DENND2A: variants seen among roughly 807,000 people sequenced by gnomAD.
DENND2A encodes the protein DENN domain containing 2A, also known as DENN domain-containing protein 2A.
A neutral mutation model predicts 105.3 loss-of-function variants in DENND2A; 53 were observed. The ratio of observed to expected loss-of-function variants is 0.50; its 90% CI spans 0.40 to 0.63. The LOEUF is 0.63. Ranked by LOEUF, DENND2A falls within the 30% of genes least tolerant of loss-of-function variation. The pLI is 0.00. For missense variants in DENND2A, 1,138 were observed against 1,279.6 expected, an observed-to-expected ratio of 0.89 and a Z score of 1.69; for synonymous variants, 522 against 508.4, an observed-to-expected ratio of 1.03 and a Z score of -0.36.
At chr7:140,578,501 AACATAC>A (rs1798400910) in intron 5 of DENND2A, among the ~76,000 whole-genome samples, 1 of 152,178 alleles carries the variant, frequency 6.6e-6, no homozygotes, top group Non-Finnish European at 1.5e-5. Context: ...CATTCACACA[AACATAC>A]ATATTTGCTC....
At chr7:140,522,760 A>C (rs973198090) in intron 17 of DENND2A, among the ~76,000 whole-genome samples, 2 of 151,474 alleles carry the variant, frequency 1.3e-5, no homozygotes, top group Non-Finnish European at 2.9e-5. Context: ...GGCGCTTGCC[A>C]CTATGGCCAG....
Position 140,601,911 on chromosome 7 carries a change from C to A in DENND2A, c.487G>T (p.Val163Phe), listed in dbSNP as rs1296885608. Residue 163 changes from valine (V) to phenylalanine (F), a missense_variant, in exon 3 of 20, where the codon GTC (valine) becomes TTC (phenylalanine). Val to Phe is a conservative substitution (Grantham distance 50, BLOSUM62 -1). Coordinates refer to ENST00000496613, the MANE Select transcript of DENND2A (RefSeq NM_015689.5). ...TTCAAAGCCTGCTCGAGTTTCTTGA[C>A]CTGCTTCAGCACGGAGAGGGGATCG... ...QNDPLSVLKQ[V>F]KKLEQALKDG... 6.2e-7 allele frequency: 1 copy of A among 1,614,190 alleles called. No homozygotes were observed.
chr7:140,597,380 G>A (rs575709306), intron 3 of DENND2A, among the ~76,000 whole-genome samples: 157 of 152,284 alleles, frequency 1.0e-3, no homozygotes, highest in African/African-American at 3.5e-3. Context: ...TGCCAAATTC[G>A]TGGTACAGTC....
rs989832345 is a variant in DENND2A at position 140,615,922 on chromosome 7, C to T, written c.-247-10116G>A. On this transcript the variant is annotated intron_variant, in intron 1 of 19. Coordinates refer to ENST00000496613, the MANE Select transcript of DENND2A (RefSeq NM_015689.5). ...ACTGGATAAACAAAAGTGGTCTACA[C>T]ATATAATGGAACAGTATTCAGCCAT... 7.9e-5 allele frequency among the ~76,000 whole-genome samples: 12 copies of T among 152,166 alleles called. 1 individual carries two copies. Among genetic ancestry groups the T allele is most frequent in the Admixed American group, 3.3e-4 (5 of 15,278 alleles).
chr7:140,548,490 C>A (rs559351252), intron 12 of DENND2A, among the ~76,000 whole-genome samples: 1 of 152,146 alleles, frequency 6.6e-6, no homozygotes, highest in South Asian at 2.1e-4. Context: ...CCACCACACT[C>A]CAGCCTGGGC....
In DENND2A at chr7:140,618,446, C is replaced by T. The variant is rs144269685; in HGVS notation, c.-247-12640G>A. Reference sequence around the variant, plus strand: ...AAACCCTTTTTGTTTCTCAGCTCTACAGAAATCAATGTTAGTGTTCCTATC... The same window carrying T: ...AAACCCTTTTTGTTTCTCAGCTCTATAGAAATCAATGTTAGTGTTCCTATC... On this transcript the variant is annotated intron_variant, in intron 1 of 19. Transcript: ENST00000496613. 2.6e-3 allele frequency among the ~76,000 whole-genome samples: 403 copies of T among 152,294 alleles called. 2 individuals carry two copies. Among genetic ancestry groups the T allele is most frequent in the African/African-American group, 9.2e-3 (382 of 41,560 alleles).
intron 5 of DENND2A, among the ~76,000 whole-genome samples, chr7:140,580,138 A>G (rs1267432937): frequency 6.6e-6 from 1 of 152,184 alleles, no homozygotes; most frequent in East Asian, 1.9e-4. Context: ...TTACAGAAAT[A>G]TTAGAAAATA....
At chr7:140,550,317 C>T (rs955817710) in intron 12 of DENND2A, among the ~76,000 whole-genome samples, 6 of 151,372 alleles carry the variant, frequency 4.0e-5, no homozygotes, top group African/African-American at 1.5e-4. Context: ...CTCAGCCTCC[C>T]GAGTAGCTGG....
At chr7:140,537,324 C>A (rs1345124610) in intron 14 of DENND2A, among the ~76,000 whole-genome samples, 2 of 152,340 alleles carry the variant, frequency 1.3e-5, no homozygotes, top group Admixed American at 1.3e-4. Flanking sequence ...ATGTCAAAGA[C>A]AAGGTTCAAA....
At chr7:140,524,235 C>T (rs920567077) in intron 16 of DENND2A, among the ~76,000 whole-genome samples, 1 of 152,170 alleles carries the variant, frequency 6.6e-6, no homozygotes, top group East Asian at 1.9e-4. Context: ...TGTGGCAACA[C>T]TTGGAAGTAA....
intron 5 of DENND2A, among the ~76,000 whole-genome samples, chr7:140,577,995 G>A (rs926781539): frequency 5.3e-5 from 8 of 152,144 alleles, no homozygotes; most frequent in Non-Finnish European, 8.8e-5. Context: ...ACACCAACAT[G>A]TATGGCACCT....
chr7:140,588,077 G>A (rs6958806), intron 3 of DENND2A, among the ~76,000 whole-genome samples: 5,493 of 152,060 alleles, frequency 0.036, 178 homozygotes, highest in African/African-American at 0.092. Context: ...TGCCTGGCTA[G>A]TTTTTGTATT....
chr7:140,519,855 G>A, intron 18 of DENND2A, 137 bp from the exon 19 acceptor site: 1 of 759,030 alleles, frequency 1.3e-6, no homozygotes, highest in East Asian at 2.5e-5. Flanking sequence ...TCTGAATCAG[G>A]AGGTTTTATA....
chr7:140,601,888 C>T lies in DENND2A; in HGVS notation c.510G>A (p.Leu170=), dbSNP rs763540226. The T allele has an allele frequency of 2.0e-5, 32 of 1,614,098 alleles. No homozygotes were observed. Among genetic ancestry groups the T allele is most frequent in the Non-Finnish European group, 2.6e-5 (31 of 1,180,044 alleles). Residue 170 remains leucine, a synonymous_variant, in exon 3 of 20, where the codon TTG becomes TTA. Coordinates refer to ENST00000496613, the MANE Select transcript of DENND2A (RefSeq NM_015689.5). ...LKQVKKLEQA[L]KDGSAGLDPQ... is the part of the protein sequence containing the mutation. Reference sequence around the variant, plus strand: ...GATCCAGCCCTGCCGACCCATCCTTCAAAGCCTGCTCGAGTTTCTTGACCT... The same window carrying T: ...GATCCAGCCCTGCCGACCCATCCTTTAAAGCCTGCTCGAGTTTCTTGACCT...
Position 140,601,616 on chromosome 7 carries a change from G to A in DENND2A, c.782C>T (p.Pro261Leu), listed in dbSNP as rs368696269. The change falls in exon 3 of 20, where the codon CCC becomes CTC. Residue 261 changes from proline to leucine, a missense_variant. Pro to Leu is a moderately conservative substitution (Grantham distance 98, BLOSUM62 -3). This residue lies in a region of DENND2A where 511 missense variants were observed against 499.9 expected (regional missense o/e 1.02). Transcript: ENST00000496613. ...YRGSEGSPTK[P>L]FINPLPKPRR... is the part of the protein sequence containing the mutation. The stretch of plus-strand genomic sequence containing the variant: ...GGGTTTTGGCAGAGGGTTGATGAAG[G>A]GCTTTGTGGGGGAACCCTCCGAGCC... 1.2e-6 allele frequency: 2 copies of A among 1,613,562 alleles called. No individual in the cohort carries two copies. Among genetic ancestry groups the A allele is most frequent in the African/African-American group, 1.3e-5 (1 of 75,004 alleles).
chr7:140,573,181 T>C (rs919140885), intron 6 of DENND2A, among the ~76,000 whole-genome samples: 2 of 152,204 alleles, frequency 1.3e-5, no homozygotes, highest in Non-Finnish European at 2.9e-5. Context: ...CTCCTGTTAA[T>C]CTGTTTTACG....
At chr7:140,534,081 A>ATTTTTTTTTT (rs3042407) in intron 14 of DENND2A, among the ~76,000 whole-genome samples, 3 of 80,106 alleles carry the variant, frequency 3.7e-5, no homozygotes, top group African/African-American at 1.0e-4. Context: ...TGCCTGGTTA[A>ATTTTTTTTTT]TTTTTTTTTT....
At chr7:140,574,264 G>C (rs556682142) in intron 5 of DENND2A, among the ~76,000 whole-genome samples, 1 of 152,228 alleles carries the variant, frequency 6.6e-6, no homozygotes, top group Non-Finnish European at 1.5e-5. Flanking sequence ...TGTCACCCGG[G>C]CTGGAGTGGA....
intron 3 of DENND2A, among the ~76,000 whole-genome samples, chr7:140,598,388 A>AT (rs1333779311): frequency 1.3e-5 from 2 of 152,250 alleles, no homozygotes; most frequent in African/African-American, 4.8e-5. Context: ...ATGCGTTACC[A>AT]TTAAAGTTAG....
Sources: allele counts gnomAD v4.1 joint callset (sites outside exome capture counted in the v4.1 genomes callset), GRCh38; gene constraint gnomAD v4.1.1; regional missense constraint gnomAD v4.1.1; transcripts MANE v1.5; gene names NCBI Gene and HGNC (gene_info 2026-07-23, HGNC 2026-07-21).